The following WIPF2 variants were observed in gnomAD, a reference collection of about 807,000 sequenced individuals.
WIPF2 encodes WAS/WASL interacting protein family member 2, also known as WAS/WASL-interacting protein family member 2.
In WIPF2, 23 loss-of-function variants were observed where a neutral mutation model predicts 38.8. The observed-to-expected ratio is 0.59, with a 90% confidence interval of 0.43 to 0.84. WIPF2 has a LOEUF of 0.84. Ranked by LOEUF, WIPF2 falls within the 40% of genes least tolerant of loss-of-function variation. WIPF2 has a pLI of 0.00. For synonymous variants in WIPF2, 210 were observed against 223.2 expected (o/e 0.94, Z 0.53); for missense variants, 574 against 580.5 (o/e 0.99, Z 0.11).
chr17:40,236,486 T>C (rs1417033642), intron 1 of WIPF2, among the ~76,000 whole-genome samples: 1 of 148,950 alleles, frequency 6.7e-6, no homozygotes, highest in Non-Finnish European at 1.5e-5. Context: ...TACAGGCGTG[T>C]GTAGAGATGG....
chr17:40,232,666 A>T (rs79880154), intron 1 of WIPF2, among the ~76,000 whole-genome samples: 18,939 of 140,424 alleles, frequency 0.13, 1,323 homozygotes, highest in East Asian at 0.31. Flanking sequence ...TTTGAGGTGG[A>T]GTTTCACTCG....
At chr17:40,259,105 C>T (rs1347760398) in intron 2 of WIPF2, among the ~76,000 whole-genome samples, 1 of 147,388 alleles carries the variant, frequency 6.8e-6, no homozygotes, top group Non-Finnish European at 1.5e-5. Context: ...TCTTGAACTC[C>T]TGGCTTCAAG....
chr17:40,224,881 TC>T (rs967237020), intron 1 of WIPF2, among the ~76,000 whole-genome samples: 5 of 151,956 alleles, frequency 3.3e-5, no homozygotes, highest in Admixed American at 6.6e-5. Flanking sequence ...CCAAATAACT[TC>T]TTTTCTTCTT....
intron 2 of WIPF2, among the ~76,000 whole-genome samples, chr17:40,260,179 CTTTTTTTTTTTTT>C (rs34757828): frequency 9.9e-6 from 1 of 101,048 alleles, no homozygotes; most frequent in African/African-American, 3.8e-5. Context: ...ATAAAGGGAA[CTTTTTTTTTTTTT>C]TTTTTTTTTT....
chr17:40,261,747 C>T (rs1245555260), intron 3 of WIPF2, among the ~76,000 whole-genome samples: 2 of 142,938 alleles, frequency 1.4e-5, no homozygotes, highest in Non-Finnish European at 3.0e-5. Context: ...AGTGCAGTGG[C>T]GCGATCTTGG....
rs1555557726 is a variant in WIPF2, at chr17:40,219,362, G to GGGCGGTGGC, written c.-194_-186dup. ...AGATCCATTTCCGGGTTGGCAAAAG[G>GGGCGGTGGC]GGCGGTGGCGGCGGCGGCGGCGGCG... is the stretch of plus-strand genomic sequence containing the variant. On this transcript the variant is annotated 5_prime_UTR_variant, in exon 1 of 8. Coordinates refer to ENST00000323571, the MANE Select transcript of WIPF2 (RefSeq NM_133264.5). The GGGCGGTGGC allele has an allele frequency of 9.5e-5, 36 of 378,386 alleles. No individual in the cohort carries two copies. The highest frequency in any genetic ancestry group is 1.4e-4 in the South Asian group (6 of 42,874). 23.4% of individuals were successfully genotyped at this position (378,386 alleles called of 1,614,324 possible). A position where few individuals can be genotyped will look rare whatever the true frequency, so the allele number is the denominator to read the frequency against.
In WIPF2 at chr17:40,282,575, A is replaced by C. The variant is rs1204290114; in HGVS notation, c.*4350A>C. Reference sequence around the variant, plus strand: ...GATTACAGTGCTCCCTCTCCCAAATAGCATTGATTTTTTCCCCCCTCTAAA... The same window carrying C: ...GATTACAGTGCTCCCTCTCCCAAATCGCATTGATTTTTTCCCCCCTCTAAA... On this transcript the variant is annotated 3_prime_UTR_variant, in exon 8 of 8. Coordinates refer to ENST00000323571, the MANE Select transcript of WIPF2 (RefSeq NM_133264.5). 1.3e-5 allele frequency: 2 copies of C among 152,254 alleles called. No homozygotes were observed. The highest frequency in any genetic ancestry group is 4.8e-5 in the African/African-American group (2 of 41,474). The allele number at this position is 152,254 out of a possible 1,614,324, so 9.4% of individuals were successfully genotyped here.
At position 40,273,920 on chromosome 17, in the gene WIPF2, A is replaced by T; in HGVS notation, c.1101A>T (p.Pro367=). The T allele has an allele frequency of 6.8e-7, 1 of 1,469,848 alleles. No individual in the cohort carries two copies. Among genetic ancestry groups the T allele is most frequent in the African/African-American group, 1.6e-5 (1 of 62,102 alleles). The allele number at this position is 1,469,848 out of a possible 1,614,324, so 91.1% of individuals were successfully genotyped here. The part of the protein sequence containing the change: ...GKPPPPPSRT[P]AGPPPPPPPP... Reference sequence around the variant, plus strand: ...CCCCACCTCCACCCTCAAGGACGCCAGCTGGGCCACCCCCTCCTCCTCCAC... The same window carrying T: ...CCCCACCTCCACCCTCAAGGACGCCTGCTGGGCCACCCCCTCCTCCTCCAC... Residue 367 remains proline (P), a synonymous_variant, in exon 6 of 8, where the codon CCA becomes CCT. Coordinates refer to ENST00000323571, the MANE Select transcript of WIPF2 (RefSeq NM_133264.5).
chr17:40,267,227 G>A (rs4077125), intron 5 of WIPF2, among the ~76,000 whole-genome samples: 22,103 of 152,062 alleles, frequency 0.15, 1,694 homozygotes, highest in East Asian at 0.3. Context: ...GTAGAGCTGT[G>A]TTTAACCAGC....
rs138094406 is a variant in WIPF2 at position 40,278,095 on chromosome 17, G to T, written c.1283-90G>T. On this transcript the variant is annotated intron_variant, in intron 7 of 7. Transcript: ENST00000323571. The stretch of plus-strand genomic sequence containing the variant: ...CCCAGATTTTAAAGGTTAGCTTAAA[G>T]AGCCTGTCTCTCATTTTAGGAATGT... 144 of 1,435,866 alleles carry T rather than the reference G, an allele frequency of 1.0e-4. No homozygotes were observed. In the East Asian group the frequency reaches 3.1e-3, roughly 31 times the overall value. The allele number at this position is 1,435,866 out of a possible 1,614,324, so 88.9% of individuals were successfully genotyped here. A position where few individuals can be genotyped will look rare whatever the true frequency, so the allele number is the denominator to read the frequency against.
At chr17:40,238,180 A>G (rs2031052677) in intron 1 of WIPF2, among the ~76,000 whole-genome samples, 1 of 151,678 alleles carries the variant, frequency 6.6e-6, no homozygotes, top group South Asian at 2.1e-4. Flanking sequence ...TTATTATCTG[A>G]ATTTTACATG....
At chr17:40,243,289 A>C (rs1005967345) in intron 1 of WIPF2, among the ~76,000 whole-genome samples, 1 of 151,852 alleles carries the variant, frequency 6.6e-6, no homozygotes, top group Non-Finnish European at 1.5e-5. Context: ...TGGTATACAA[A>C]CCCCCCACTG....
intron 5 of WIPF2, among the ~76,000 whole-genome samples, chr17:40,266,005 GT>G (rs1376322531): frequency 1.3e-5 from 2 of 152,084 alleles, no homozygotes; most frequent in African/African-American, 4.8e-5. Context: ...CAATGAATTG[GT>G]AATTGGCTAT....
In WIPF2 at chr17:40,248,274, C is replaced by T. The variant is rs1017561900; in HGVS notation, c.-69-8117C>T. ...CTGCCTCCCAGGTTCAAGTGATTCTCGCACTTCAGCCTCCCAAATAGCTGG... is the reference window on the plus strand; with the variant it reads ...CTGCCTCCCAGGTTCAAGTGATTCTTGCACTTCAGCCTCCCAAATAGCTGG... On this transcript the variant is annotated intron_variant, in intron 1 of 7. Transcript: ENST00000323571. Among the ~76,000 whole-genome samples, 4 of 143,444 alleles carry T rather than the reference C, an allele frequency of 2.8e-5. No individual in the cohort carries two copies. In the South Asian group the frequency reaches 6.5e-4, roughly 23 times the overall value. 94.1% of individuals were successfully genotyped at this position (143,444 alleles called of 152,430 possible).
At chr17:40,252,447 T>C (rs2031588607) in intron 1 of WIPF2, among the ~76,000 whole-genome samples, 1 of 152,152 alleles carries the variant, frequency 6.6e-6, no homozygotes. Context: ...GAGGATCATT[T>C]GAGGTCAGGA....
chr17:40,238,907 G>A lies in WIPF2; in HGVS notation c.-69-17484G>A, dbSNP rs528013362. On this transcript the variant is annotated intron_variant, in intron 1 of 7. Transcript: ENST00000323571. ...ATTACAGACGTGAGCCACCGTGCCCGGCCATTTATTTTTTAAGAGATGGGG... is the reference window on the plus strand; with the variant it reads ...ATTACAGACGTGAGCCACCGTGCCCAGCCATTTATTTTTTAAGAGATGGGG... Among the ~76,000 whole-genome samples the A allele has an allele frequency of 3.0e-4, 45 of 150,910 alleles. No homozygotes were observed. The South Asian group carries it at 9.3e-3, about 31-fold the overall frequency.
intron 2 of WIPF2, 90 bp from the exon 3 acceptor site, chr17:40,260,445 C>G: frequency 6.6e-7 from 1 of 1,517,374 alleles, no homozygotes; most frequent in South Asian, 1.2e-5. Flanking sequence ...CCTTGGCCTC[C>G]CAAAGTGTTG....
chr17:40,272,397 C>T (rs1598499987), intron 5 of WIPF2, among the ~76,000 whole-genome samples: 1 of 152,322 alleles, frequency 6.6e-6, no homozygotes, highest in African/African-American at 2.4e-5. Flanking sequence ...ATAGTGTTTA[C>T]AGCTCTGACT....
intron 4 of WIPF2, among the ~76,000 whole-genome samples, chr17:40,263,125 G>A (rs1837929781): frequency 6.6e-6 from 1 of 152,110 alleles, no homozygotes; most frequent in Non-Finnish European, 1.5e-5. Context: ...GACAGGAGGG[G>A]TAAGTTTTAG....
Sources: gnomAD v4.1 joint callset for allele counts (sites outside exome capture counted in the v4.1 genomes callset) on GRCh38, gnomAD v4.1.1 for gene constraint, MANE v1.5 for transcripts, NCBI Gene and HGNC (gene_info 2026-07-23, HGNC 2026-07-21) for gene names.